The following STX18 variants were observed in gnomAD, a reference collection of about 807,000 sequenced individuals.
STX18 encodes the protein syntaxin-18.
STX18 carries 40 observed loss-of-function variants against 50.1 expected under a neutral mutation model. That is an observed-to-expected ratio of 0.80 (90% CI 0.62 to 1.04). The LOEUF (loss-of-function observed/expected upper bound fraction) is 1.04. Ranked by LOEUF, STX18 falls within the 50% of genes least tolerant of loss-of-function variation. The probability of loss-of-function intolerance (pLI) is 0.00; values close to 1 mark genes in which losing one functional copy is unlikely to be tolerated. For missense variants in STX18, 410 were observed against 415.8 expected (o/e 0.99, Z 0.12); for synonymous variants, 158 against 151.8 (o/e 1.04, Z -0.30).
At chr4:4,434,425 T>A (rs1383773639) in intron 7 of STX18, among the ~76,000 whole-genome samples, 1 of 152,210 alleles carries the variant, frequency 6.6e-6, no homozygotes, top group African/African-American at 2.4e-5. Flanking sequence ...CACATTACCA[T>A]AGCACTAGCA....
At chr4:4,479,629 T>C (rs1284897874) in intron 1 of STX18, among the ~76,000 whole-genome samples, 1 of 152,216 alleles carries the variant, frequency 6.6e-6, no homozygotes, top group Admixed American at 6.5e-5. Context: ...CCATTCTTTC[T>C]CCAAAGATAA....
Position 4,453,579 on chromosome 4 carries a change from G to C in STX18, c.497+3612C>G, listed in dbSNP as rs370457841. 1.3e-4 allele frequency: 83 copies of C among 658,506 alleles called. No homozygotes were observed. In the South Asian group the frequency reaches 4.5e-3, roughly 35 times the overall value. 40.8% of individuals were successfully genotyped at this position (658,506 alleles called of 1,614,324 possible). A position where few individuals can be genotyped will look rare whatever the true frequency, so the allele number is the denominator to read the frequency against. On this transcript the variant is annotated intron_variant, in intron 5 of 10. Coordinates refer to ENST00000306200, the MANE Select transcript of STX18 (RefSeq NM_016930.4). Reference sequence around the variant, plus strand: ...GGAAACCAAAATGTCTTTGTGACTTGCTTTATTGTGATATTCACTTTGTTG... The same window carrying C: ...GGAAACCAAAATGTCTTTGTGACTTCCTTTATTGTGATATTCACTTTGTTG...
intron 1 of STX18, among the ~76,000 whole-genome samples, chr4:4,512,086 T>C (rs1441652634): frequency 1.3e-5 from 2 of 151,858 alleles, no homozygotes; most frequent in East Asian, 1.9e-4. Flanking sequence ...AGAAGCAAAA[T>C]TGCACGAGCC....
intron 5 of STX18, among the ~76,000 whole-genome samples, chr4:4,450,621 T>C (rs1726694220): frequency 6.6e-6 from 1 of 152,154 alleles, no homozygotes; most frequent in Admixed American, 6.5e-5. Flanking sequence ...GTATTTATTA[T>C]TTGATCTATT....
intron 2 of STX18, among the ~76,000 whole-genome samples, chr4:4,461,220 T>A (rs999591998): frequency 6.6e-6 from 1 of 152,208 alleles, no homozygotes; most frequent in Non-Finnish European, 1.5e-5. Context: ...TATATATACA[T>A]TAACCTTCTA....
chr4:4,506,083 T>C (rs760507732), intron 1 of STX18, among the ~76,000 whole-genome samples: 3 of 152,244 alleles, frequency 2.0e-5, no homozygotes, highest in Non-Finnish European at 2.9e-5. Context: ...ATACTCAGAT[T>C]GTTTTCACTA....
chr4:4,436,948 C>T (rs1263765813), intron 6 of STX18, among the ~76,000 whole-genome samples: 2 of 129,606 alleles, frequency 1.5e-5, no homozygotes, highest in African/African-American at 7.3e-5. Flanking sequence ...GGTCCAGACT[C>T]ACTTTTTTTT....
intron 5 of STX18, 121 bp downstream of exon 5, chr4:4,457,070 G>T: frequency 1.1e-6 from 1 of 897,384 alleles, no homozygotes; most frequent in Non-Finnish European, 1.7e-6. Flanking sequence ...CGCCAGCTAT[G>T]GCATTTTGCG....
intron 1 of STX18, among the ~76,000 whole-genome samples, chr4:4,537,008 T>C (rs1411643629): frequency 1.3e-5 from 2 of 152,216 alleles, no homozygotes; most frequent in African/African-American, 4.8e-5. Flanking sequence ...CTGGCAGACC[T>C]GCGGCTAGAA....
chr4:4,509,790 G>A (rs375238878), intron 1 of STX18, among the ~76,000 whole-genome samples: 3 of 151,978 alleles, frequency 2.0e-5, no homozygotes, highest in Admixed American at 6.6e-5. Flanking sequence ...TTACTGAAAA[G>A]ATGACATATA....
chr4:4,421,000 C>T lies in STX18; in HGVS notation c.832-56G>A, dbSNP rs529003410. The T allele has an allele frequency of 8.5e-6, 13 of 1,532,960 alleles. No individual in the cohort carries two copies. In the East Asian group the frequency reaches 9.0e-5, roughly 11 times the overall value. 95.0% of individuals were successfully genotyped at this position (1,532,960 alleles called of 1,614,324 possible). ...TATCCTTTATCCAAAAACCTGAAAC[C>T]CAAAATGCTCCAACGAGCATTTCCT... is the stretch of plus-strand genomic sequence containing the variant. On this transcript the variant is annotated intron_variant, in intron 9 of 10. Transcript: ENST00000306200. The surrounding 1 kb of genome is among the most constrained non-coding windows in gnomAD (Gnocchi z 4.3).
chr4:4,484,073 A>G (rs957700812), intron 1 of STX18, among the ~76,000 whole-genome samples: 8 of 152,164 alleles, frequency 5.3e-5, no homozygotes, highest in Non-Finnish European at 8.8e-5. Context: ...CATGTTAGCC[A>G]GGATGGTCTT....
At chr4:4,464,220 C>T (rs1423995742) in intron 2 of STX18, among the ~76,000 whole-genome samples, 1 of 152,100 alleles carries the variant, frequency 6.6e-6, no homozygotes, top group Non-Finnish European at 1.5e-5. Context: ...CGGTAAAATG[C>T]CATCCTAAAG....
At position 4,471,667 on chromosome 4, in the gene STX18, G is replaced by A. The variant is rs766548701; in HGVS notation, c.208C>T (p.His70Tyr). 6.3e-7 allele frequency: 1 copy of A among 1,583,934 alleles called. No individual in the cohort carries two copies. Among genetic ancestry groups the A allele is most frequent in the Non-Finnish European group, 8.5e-7 (1 of 1,172,124 alleles). Residue 70 changes from histidine to tyrosine, a missense_variant, in exon 2 of 11, where the codon CAC (histidine) becomes TAC (tyrosine). By Grantham distance (83) the His-to-Tyr change is moderately conservative (BLOSUM62 2). Coordinates refer to ENST00000306200, the MANE Select transcript of STX18 (RefSeq NM_016930.4). ...IGKLRDFLLE[H>Y]RKDYINAYSH... is the part of the protein sequence containing the mutation. ...TAAGCATTAATATAATCTTTCCTGT[G>A]TTCCAGAAGAAAATCTCTCAGTTTG...
At chr4:4,512,709 G>A (rs1577390762) in intron 1 of STX18, among the ~76,000 whole-genome samples, 1 of 152,156 alleles carries the variant, frequency 6.6e-6, no homozygotes, top group South Asian at 2.1e-4. Context: ...CAGGTAAGCA[G>A]AATACACAAT....
intron 1 of STX18, among the ~76,000 whole-genome samples, chr4:4,477,191 C>A (rs766143406): frequency 6.6e-6 from 1 of 152,084 alleles, no homozygotes; most frequent in Non-Finnish European, 1.5e-5. Flanking sequence ...TGTAGTGAGC[C>A]GAGATCGCGC....
At chr4:4,499,214 C>T (rs188586500) in intron 1 of STX18, among the ~76,000 whole-genome samples, 5 of 152,260 alleles carry the variant, frequency 3.3e-5, no homozygotes, top group Non-Finnish European at 5.9e-5. Context: ...AACTCTAAAC[C>T]GTACCTTGTG....
rs182137054 is a variant in STX18, at chr4:4,502,803, A to T, written c.169-31097T>A. ...CTAACCTTCATCTGTCTTCCTATGC[A>T]GATCTGCATGAGAATCTGCCATGAC... On this transcript the variant is annotated intron_variant, in intron 1 of 10. Transcript: ENST00000306200. Among the ~76,000 whole-genome samples, 7 of 152,294 alleles carry T rather than the reference A, an allele frequency of 4.6e-5. No homozygotes were observed. In the South Asian group the frequency reaches 1.0e-3, roughly 23 times the overall value.
intron 1 of STX18, among the ~76,000 whole-genome samples, chr4:4,473,971 G>A (rs1728052304): frequency 6.6e-6 from 1 of 151,966 alleles, no homozygotes; most frequent in Non-Finnish European, 1.5e-5. Flanking sequence ...AGCACTCAAG[G>A]CCCTTCACAA....
Sources: allele counts gnomAD v4.1 joint callset (sites outside exome capture counted in the v4.1 genomes callset), GRCh38; gene constraint gnomAD v4.1.1; non-coding constraint Gnocchi (gnomAD v3.1); transcripts MANE v1.5; gene names NCBI Gene and HGNC (gene_info 2026-07-23, HGNC 2026-07-21).